Variants in RHAG observed in about 807,000 individuals in gnomAD.
RHAG encodes Rh associated glycoprotein, also known as ammonium transporter Rh type A.
Under a neutral mutation model 42.4 loss-of-function variants are expected in RHAG, and 25 were observed. That is an observed-to-expected ratio of 0.59 (90% CI 0.43 to 0.82). The LOEUF (loss-of-function observed/expected upper bound fraction) is 0.82, where lower values mean the gene tolerates loss of function less well. Among genes scored for constraint, RHAG ranks in the 40% least tolerant of loss-of-function variants. The pLI is 0.00. For missense variants in RHAG, 483 were observed against 504.6 expected (o/e 0.96, Z 0.41); for synonymous variants, 182 against 177.7 (o/e 1.02, Z -0.19).
chr6:49,611,582 G>A (rs941955553), intron 6 of RHAG, among the ~76,000 whole-genome samples: 1 of 152,032 alleles, frequency 6.6e-6, no homozygotes, highest in African/African-American at 2.4e-5. Flanking sequence ...TTTACGTAGA[G>A]CACAGTTCTC....
At chr6:49,622,636 A>T (rs1448393825) in intron 1 of RHAG, among the ~76,000 whole-genome samples, 4 of 152,140 alleles carry the variant, frequency 2.6e-5, no homozygotes, top group Non-Finnish European at 5.9e-5. Flanking sequence ...CTCCCCAGCC[A>T]TGTGGAACTG....
chr6:49,610,972 A>G, intron 7 of RHAG, 52 bp downstream of exon 7: 1 of 1,608,886 alleles, frequency 6.2e-7, no homozygotes, highest in Non-Finnish European at 8.5e-7. Flanking sequence ...TCTCAGAGTG[A>G]GAGAAAACAT....
chr6:49,619,945 A>C (rs1762725213), intron 1 of RHAG, among the ~76,000 whole-genome samples: 1 of 152,260 alleles, frequency 6.6e-6, no homozygotes, highest in South Asian at 2.1e-4. Flanking sequence ...GAGAAGAAGT[A>C]GTACGTTTCT....
rs1581940350 is a variant in RHAG, at chr6:49,614,897, G to T, written c.641-44C>A. 6.5e-6 allele frequency: 10 copies of T among 1,547,760 alleles called. No individual in the cohort carries two copies. The East Asian group carries it at 2.0e-4, about 31-fold the overall frequency. On this transcript the variant is annotated intron_variant, in intron 4 of 9. Transcript: ENST00000371175. ...GGGGATATTAGTTCTGAATATGGAA[G>T]ACAGTCCAGAGGATGCAGTTTGCTT...
intron 3 of RHAG, 37 bp downstream of exon 3, chr6:49,618,031 C>A: frequency 4.4e-6 from 7 of 1,601,492 alleles, no homozygotes; most frequent in Non-Finnish European, 6.0e-6. Flanking sequence ...AGAACTGATG[C>A]CCAAAGCTAG....
intron 6 of RHAG, among the ~76,000 whole-genome samples, chr6:49,612,195 T>A (rs1762579731): frequency 6.6e-6 from 1 of 152,228 alleles, no homozygotes; most frequent in South Asian, 2.1e-4. Context: ...TGATACTGGA[T>A]TCTTTCCTGT....
intron 1 of RHAG, among the ~76,000 whole-genome samples, chr6:49,631,724 G>A (rs779563110): frequency 2.0e-5 from 3 of 152,160 alleles, no homozygotes; most frequent in Non-Finnish European, 2.9e-5. Flanking sequence ...CCCATGGCTT[G>A]CAGGCCTTTT....
chr6:49,606,984 G>A, intron 8 of RHAG, 63 bp from the exon 9 acceptor site: 3 of 1,255,460 alleles, frequency 2.4e-6, no homozygotes, highest in Non-Finnish European at 3.5e-6. Context: ...TACTTGCATA[G>A]TAGCTTATAT....
Position 49,619,170 on chromosome 6 carries a change from G to T in RHAG, c.341+9C>A. 6.2e-7 allele frequency: 1 copy of T among 1,613,740 alleles called. No homozygotes were observed. Among genetic ancestry groups the T allele is most frequent in the African/African-American group, 1.3e-5 (1 of 75,032 alleles). On this transcript the variant is annotated intron_variant, in intron 2 of 9. Coordinates refer to ENST00000371175, the MANE Select transcript of RHAG (RefSeq NM_000324.3). ...ATGCAAACATTCAGCCCACAGTAAG[G>T]ATGCTCACTTTTTGATTCCAATGTT... is the stretch of plus-strand genomic sequence containing the variant.
chr6:49,622,718 A>T (rs977734588), intron 1 of RHAG, among the ~76,000 whole-genome samples: 3 of 152,232 alleles, frequency 2.0e-5, no homozygotes, highest in African/African-American at 7.2e-5. Flanking sequence ...TGTGAAAACG[A>T]ACTAATACAC....
Position 49,618,195 on chromosome 6 carries a change from G to A in RHAG, c.365C>T (p.Ala122Val). ...IKNMINADFSAATVLISFGAV... is the reference protein window; with the variant it reads ...IKNMINADFSVATVLISFGAV... ...TCCAAAAGATATCAGAACTGTGGCTGCACTGAAGTCTGCATTTATCATGCT... is the reference window on the plus strand; with the variant it reads ...TCCAAAAGATATCAGAACTGTGGCTACACTGAAGTCTGCATTTATCATGCT... The change falls in exon 3 of 10, where the codon GCA becomes GTA. Residue 122 changes from alanine (A) to valine (V), a missense_variant. Transcript: ENST00000371175. The A allele has an allele frequency of 6.2e-7, 1 of 1,614,120 alleles. No homozygotes were observed. Among genetic ancestry groups the A allele is most frequent in the Non-Finnish European group, 8.5e-7 (1 of 1,180,008 alleles).
chr6:49,636,609 A>T (rs1163297049), intron 1 of RHAG, 47 bp downstream of exon 1: 1 of 1,590,320 alleles, frequency 6.3e-7, no homozygotes, highest in East Asian at 2.2e-5. Flanking sequence ...ATTCTGAGAA[A>T]CCGAAGAACC....
intron 1 of RHAG, among the ~76,000 whole-genome samples, chr6:49,631,035 A>G (rs1250560475): frequency 6.6e-6 from 1 of 152,222 alleles, no homozygotes; most frequent in African/African-American, 2.4e-5. Flanking sequence ...TTTCACCATG[A>G]TTAGAATCAG....
chr6:49,619,427 T>C, intron 1 of RHAG, 65 bp from the exon 2 acceptor site: 1 of 1,392,882 alleles, frequency 7.2e-7, no homozygotes, highest in Non-Finnish European at 1.0e-6. Flanking sequence ...TGCATCATAG[T>C]ATACCCCACT....
At chr6:49,620,389 C>T (rs1762733530) in intron 1 of RHAG, among the ~76,000 whole-genome samples, 1 of 152,120 alleles carries the variant, frequency 6.6e-6, no homozygotes, top group Non-Finnish European at 1.5e-5. Flanking sequence ...GTTGGTAAGA[C>T]ATATATATGG....
chr6:49,618,393 T>C (rs755233286), intron 2 of RHAG, among the ~76,000 whole-genome samples, 175 bp from the exon 3 acceptor site: 2 of 152,224 alleles, frequency 1.3e-5, no homozygotes, highest in African/African-American at 2.4e-5. Context: ...CTAATGTATA[T>C]ATTTTAACTC....
intron 1 of RHAG, among the ~76,000 whole-genome samples, chr6:49,621,381 G>T (rs928029464): frequency 3.3e-4 from 50 of 152,098 alleles, no homozygotes; most frequent in African/African-American, 1.1e-3. Flanking sequence ...ATGAGCAACC[G>T]CTTGTCTCAG....
At chr6:49,623,211 G>A (rs1762793221) in intron 1 of RHAG, among the ~76,000 whole-genome samples, 1 of 152,116 alleles carries the variant, frequency 6.6e-6, no homozygotes, top group Non-Finnish European at 1.5e-5. Flanking sequence ...CTCTTCTGAT[G>A]TAATTCTTGT....
At chr6:49,630,333 T>C (rs528090672) in intron 1 of RHAG, among the ~76,000 whole-genome samples, 1 of 152,330 alleles carries the variant, frequency 6.6e-6, no homozygotes, top group South Asian at 2.1e-4. Context: ...AATGCAAGTC[T>C]GAAGATAGGA....
Sources: allele counts gnomAD v4.1 joint callset (sites outside exome capture counted in the v4.1 genomes callset), GRCh38; gene constraint gnomAD v4.1.1; transcripts MANE v1.5; gene names NCBI Gene and HGNC (gene_info 2026-07-23, HGNC 2026-07-21).